Variants in PI4KB observed in about 807,000 individuals in gnomAD.
PI4KB encodes the protein phosphatidylinositol 4-kinase beta, also known as PtdIns 4-kinase beta.
PI4KB carries 23 observed loss-of-function variants against 81.4 expected under a neutral mutation model. The observed-to-expected ratio is 0.28, with a 90% CI of 0.20 to 0.40. The LOEUF (loss-of-function observed/expected upper bound fraction) is 0.40. PI4KB is among the 10% of genes least tolerant of loss of function. PI4KB has a pLI of 1.00. For missense variants in PI4KB, 651 were observed against 1,036.6 expected (o/e 0.63, Z 5.11); for synonymous variants, 381 against 406.8 (o/e 0.94, Z 0.76).
At chr1:151,320,642 C>A (rs1410834082) in intron 1 of PI4KB, among the ~76,000 whole-genome samples, 1 of 152,214 alleles carries the variant, frequency 6.6e-6, no homozygotes, top group African/African-American at 2.4e-5. Flanking sequence ...TGTCCCTACT[C>A]GCAACTGTGA....
intron 9 of PI4KB, among the ~76,000 whole-genome samples, chr1:151,297,649 T>A (rs1694925154): frequency 6.6e-6 from 1 of 152,030 alleles, no homozygotes; most frequent in South Asian, 2.1e-4. Flanking sequence ...GTGATTCTCC[T>A]GCTCAGCCTC....
At chr1:151,316,624 T>G (rs1647987568) in intron 1 of PI4KB, 115 bp from the exon 2 acceptor site, 11 of 661,974 alleles carry the variant, frequency 1.7e-5, no homozygotes, top group Non-Finnish European at 2.2e-5. Flanking sequence ...CACCTCCTCT[T>G]TTTGTCTTCC....
intron 2 of PI4KB, 41 bp from the exon 3 acceptor site, chr1:151,310,296 G>A: frequency 8.5e-7 from 1 of 1,182,664 alleles, no homozygotes. Flanking sequence ...GGAGGGGGTG[G>A]GAAGGGAGGG....
chr1:151,327,239 C>A, intron 1 of PI4KB, 32 bp downstream of exon 1: 1 of 229,136 alleles, frequency 4.4e-6, no homozygotes, highest in Non-Finnish European at 7.6e-6. Flanking sequence ...CCCAACAGGG[C>A]AAAGGTGACT....
chr1:151,321,989 AAGTC>A (rs1377958092), intron 1 of PI4KB, among the ~76,000 whole-genome samples: 3 of 152,262 alleles, frequency 2.0e-5, no homozygotes, highest in African/African-American at 7.2e-5. Context: ...TTCCCCTTCT[AAGTC>A]AGAGGAATAA....
chr1:151,296,051 G>A (rs1694761815), intron 9 of PI4KB, among the ~76,000 whole-genome samples: 1 of 152,202 alleles, frequency 6.6e-6, no homozygotes, highest in African/African-American at 2.4e-5. Context: ...TTTGAGACCA[G>A]CCTGGCCAAG....
In PI4KB at chr1:151,299,032, T is replaced by C. The variant is rs768413075; in HGVS notation, c.1791A>G (p.Pro597=). The C allele has an allele frequency of 4.7e-5, 76 of 1,614,032 alleles. No individual in the cohort carries two copies. The highest frequency in any genetic ancestry group is 5.5e-5 in the Non-Finnish European group (65 of 1,179,984). Residue 597 remains proline (P), a synonymous_variant, in exon 9 of 12, where the codon CCA becomes CCG. Transcript: ENST00000368873. ...EQERVPLWIK[P]YKILVISADS... is the part of the protein sequence containing the mutation. ...CAGCCGAAATCACAAGAATCTTGTA[T>C]GGCTTGATCCAAAGGGGCACTCGCT...
intron 9 of PI4KB, among the ~76,000 whole-genome samples, chr1:151,296,247 A>T (rs1313604463): frequency 6.6e-6 from 1 of 151,902 alleles, no homozygotes; most frequent in Non-Finnish European, 1.5e-5. Flanking sequence ...ACTCTGTCTC[A>T]CACACACACA....
chr1:151,326,204 T>A, intron 1 of PI4KB: 2 of 1,609,382 alleles, frequency 1.2e-6, no homozygotes, highest in South Asian at 2.2e-5. Context: ...GGCCTGTTCA[T>A]CCCTCTTAGT....
intron 5 of PI4KB, among the ~76,000 whole-genome samples, chr1:151,305,087 C>T (rs1695649931): frequency 6.6e-6 from 1 of 152,162 alleles, no homozygotes; most frequent in South Asian, 2.1e-4. Flanking sequence ...GCCCTGTCCT[C>T]CCAAAGTGCT....
chr1:151,325,527 C>T (rs1649484404), intron 1 of PI4KB, among the ~76,000 whole-genome samples: 1 of 152,182 alleles, frequency 6.6e-6, no homozygotes, highest in African/African-American at 2.4e-5. Context: ...CCTCAAAGTG[C>T]TTTCCCACAA....
chr1:151,293,533 TTGAGGAGGGGGA>T (rs1694506864), intron 11 of PI4KB: 1 of 671,856 alleles, frequency 1.5e-6, no homozygotes, highest in African/African-American at 2.0e-5. Flanking sequence ...ACCTGGAGCC[TTGAGGAGGGGGA>T]TGAGGACAGA....
chr1:151,321,063 G>C (rs1419828497), intron 1 of PI4KB, among the ~76,000 whole-genome samples: 1 of 152,146 alleles, frequency 6.6e-6, no homozygotes, highest in South Asian at 2.1e-4. Flanking sequence ...TTATCTCACA[G>C]ACAAAAGAAA....
At chr1:151,303,493 T>C (rs1416187360) in intron 6 of PI4KB, 48 bp downstream of exon 6, 6 of 1,101,528 alleles carry the variant, frequency 5.4e-6, no homozygotes, top group Non-Finnish European at 8.4e-6. Context: ...AGATGGGAAG[T>C]TCCTGAAAGA....
chr1:151,308,779 C>T (rs1695989046), intron 3 of PI4KB, among the ~76,000 whole-genome samples: 1 of 152,300 alleles, frequency 6.6e-6, no homozygotes, highest in African/African-American at 2.4e-5. Flanking sequence ...TCAAGACAGC[C>T]ACCCAACTCC....
chr1:151,327,579 T>G, upstream of PI4KB: 2 of 386,276 alleles, frequency 5.2e-6, no homozygotes, highest in African/African-American at 2.1e-5. Flanking sequence ...TTCTCCGGAG[T>G]CCAAGCCAAG....
intron 1 of PI4KB, 55 bp downstream of exon 1, chr1:151,327,216 A>AGGGGGGGGCCCCCC (rs1649760785): frequency 1.9e-5 from 2 of 103,982 alleles, no homozygotes. Context: ...TGGGAGAGGG[A>AGGGGGGGGCCCCCC]CCCCCCCCCC....
Position 151,307,682 on chromosome 1 carries a change from C to T in PI4KB, c.1074G>A (p.Leu358=), listed in dbSNP as rs1387894244. ...CTCGGGCAGGGAGCTTATGGTTGAG[C>T]AGGGAGAGCTCTGAGATCAGCCTCT... ...KTQRLISELS[L]LNHKLPARVW... Residue 358 remains leucine (L), a synonymous_variant, in exon 4 of 12, where the codon CTG becomes CTA. Transcript: ENST00000368873. The T allele has an allele frequency of 6.2e-7, 1 of 1,614,174 alleles. No individual in the cohort carries two copies. Among genetic ancestry groups the T allele is most frequent in the East Asian group, 2.2e-5 (1 of 44,888 alleles).
intron 4 of PI4KB, among the ~76,000 whole-genome samples, chr1:151,306,850 G>A (rs587635129): frequency 1.3e-5 from 2 of 152,332 alleles, no homozygotes; most frequent in South Asian, 4.1e-4. Context: ...GCCGAGGCGG[G>A]TGGATCATGA....
Sources: gnomAD v4.1 joint callset for allele counts (sites outside exome capture counted in the v4.1 genomes callset) on GRCh38, gnomAD v4.1.1 for gene constraint, MANE v1.5 for transcripts, NCBI Gene and HGNC (gene_info 2026-07-23, HGNC 2026-07-21) for gene names.